Variants in PSG11 observed in about 807,000 individuals in gnomAD.
The protein encoded by PSG11 is pregnancy specific beta-1-glycoprotein 11, also known as pregnancy-specific beta-1-glycoprotein 11.
Under a neutral mutation model 36.0 loss-of-function variants are expected in PSG11, and 42 were observed. That is an observed-to-expected ratio of 1.17 (90% CI 0.91 to 1.51). The LOEUF (loss-of-function observed/expected upper bound fraction) is 1.51. Ranked by LOEUF, PSG11 falls within the 40% of genes most tolerant of loss-of-function variation. PSG11 has a pLI of 0.00. For synonymous variants in PSG11, 206 were observed against 153.5 expected, an observed-to-expected ratio of 1.34 and a Z score of -2.53; for missense variants, 558 against 403.5, an observed-to-expected ratio of 1.38 and a Z score of -3.28.
At chr19:43,022,598 A>G (rs1967128288) in intron 2 of PSG11, among the ~76,000 whole-genome samples, 1 of 151,282 alleles carries the variant, frequency 6.6e-6, no homozygotes, top group Admixed American at 6.6e-5. Flanking sequence ...ATTTCAATAA[A>G]TTTGTGTGTT....
rs374093962 is a variant in PSG11, at chr19:43,023,117, C to T, written c.430+1574G>A. On this transcript the variant is annotated intron_variant, in intron 2 of 5. Transcript: ENST00000320078. ...GTCCAGGACCAAGGAGCCCCGAGAA[C>T]CCTCTGGTGGCCAAAGAGCTTCAGA... is the stretch of plus-strand genomic sequence containing the variant. 1.8e-4 allele frequency among the ~76,000 whole-genome samples: 27 copies of T among 150,696 alleles called. 1 individual carries two copies. The East Asian group carries it at 3.3e-3, about 19-fold the overall frequency.
intron 5 of PSG11, among the ~76,000 whole-genome samples, chr19:43,009,127 G>A (rs967414192): frequency 4.6e-5 from 7 of 151,258 alleles, no homozygotes; most frequent in Admixed American, 1.3e-4. Flanking sequence ...GTCTCCTGGG[G>A]TGGGGCCCTT....
chr19:43,025,785 G>T (rs899553852), intron 1 of PSG11, among the ~76,000 whole-genome samples: 18 of 150,188 alleles, frequency 1.2e-4, no homozygotes, highest in Admixed American at 1.2e-3. Context: ...GGCCCCTGAT[G>T]ATTAATCAGG....
rs894534854 is a variant in PSG11, at chr19:43,020,242, A to T, written c.431-1194T>A. Among the ~76,000 whole-genome samples the T allele has an allele frequency of 1.1e-4, 16 of 151,584 alleles. 1 individual carries two copies. The highest frequency in any genetic ancestry group is 2.6e-4 in the Admixed American group (4 of 15,208). ...AAAGGTTAAAACAAAGTGTTTTGGA[A>T]TTCTAATTTTTTTTATTTTGGAATA... On this transcript the variant is annotated intron_variant, in intron 2 of 5. Transcript: ENST00000320078.
intron 2 of PSG11, among the ~76,000 whole-genome samples, chr19:43,020,985 C>A (rs574060834): frequency 5.3e-5 from 8 of 151,362 alleles, no homozygotes; most frequent in South Asian, 2.1e-4. Context: ...TCTCCCCACA[C>A]GAAGAACTCC....
intron 3 of PSG11, chr19:43,015,943 T>G: frequency 1.9e-6 from 3 of 1,610,102 alleles, no homozygotes; most frequent in Non-Finnish European, 2.5e-6. Context: ...CCACCAAATG[T>G]AGGCATAGTT....
chr19:43,009,314 T>C lies in PSG11; in HGVS notation c.*40+644A>G, dbSNP rs1265566182. Among the ~76,000 whole-genome samples the C allele has an allele frequency of 5.9e-5, 9 of 151,352 alleles. 1 individual carries two copies. Among genetic ancestry groups the C allele is most frequent in the Non-Finnish European group, 1.3e-4 (9 of 67,914 alleles). ...GGTGTGGTTAAGTCTGCAGTGCAGA[T>C]GGTGGAAGGGATTTCACTCTGTTTT... On this transcript the variant is annotated intron_variant, in intron 5 of 5. Transcript: ENST00000320078.
At chr19:43,023,930 G>A (rs551703343) in intron 2 of PSG11, among the ~76,000 whole-genome samples, 2 of 151,566 alleles carry the variant, frequency 1.3e-5, no homozygotes, top group Admixed American at 6.6e-5. Context: ...TTGCTTCCAT[G>A]AGAAAGCACC....
intron 5 of PSG11, among the ~76,000 whole-genome samples, chr19:43,009,356 A>C (rs1169770702): frequency 6.6e-6 from 1 of 151,370 alleles, no homozygotes; most frequent in East Asian, 1.9e-4. Context: ...TAGCATTGGA[A>C]CTAAGAATTT....
chr19:43,023,110 C>T (rs921097009), intron 2 of PSG11, among the ~76,000 whole-genome samples: 3 of 150,614 alleles, frequency 2.0e-5, no homozygotes, highest in Admixed American at 6.6e-5. Context: ...CCAAGGAGCC[C>T]CGAGAACCCT....
At position 43,015,233 on chromosome 19, in the gene PSG11, C is replaced by G; in HGVS notation, c.847G>C (p.Gly283Arg). Reference sequence around the variant, plus strand: ...ATCTGAGGGATAAAGAGCTTTTGTCCTGATAGCTGAAACTTCCCATTAATT... The same window carrying G: ...ATCTGAGGGATAAAGAGCTTTTGTCGTGATAGCTGAAACTTCCCATTAATT... ...WTINGKFQLS[G>R]QKLFIPQITP... Residue 283 changes from glycine (G) to arginine (R), a missense_variant, in exon 4 of 6, where the codon GGA (glycine) becomes CGA (arginine). Transcript: ENST00000320078. 1 of 1,611,654 alleles carries G rather than the reference C, an allele frequency of 6.2e-7. No individual in the cohort carries two copies. Among genetic ancestry groups the G allele is most frequent in the Non-Finnish European group, 8.5e-7 (1 of 1,178,630 alleles).
In PSG11 at chr19:43,014,819, T is replaced by C. The variant is rs1235586365; in HGVS notation, c.964+297A>G. ...GGTGACAGTGAGAAGCAACTCGATG[T>C]TCAGCACTCTCCTTCTTGTCCCTCT... On this transcript the variant is annotated intron_variant, in intron 4 of 5. Transcript: ENST00000320078. The C allele has an allele frequency of 4.7e-6, 6 of 1,284,448 alleles. 1 individual carries two copies. The highest frequency in any genetic ancestry group is 3.0e-5 in the African/African-American group (2 of 65,578). The allele number at this position is 1,284,448 out of a possible 1,614,324, so 79.6% of individuals were successfully genotyped here.
At position 43,023,550 on chromosome 19, in the gene PSG11, A is replaced by G. The variant is rs544687099; in HGVS notation, c.430+1141T>C. Among the ~76,000 whole-genome samples, 327 of 151,314 alleles carry G rather than the reference A, an allele frequency of 2.2e-3. 10 individuals are homozygous for G. Among genetic ancestry groups the G allele is most frequent in the African/African-American group, 7.5e-3 (309 of 41,054 alleles). On this transcript the variant is annotated intron_variant, in intron 2 of 5. Coordinates refer to ENST00000320078, the MANE Select transcript of PSG11 (RefSeq NM_002785.3). ...GAAGCAGGTGATTTAGTTCTGGAGT[A>G]TAGACTAATCAGCTGACCATTTGCT...
intron 1 of PSG11, 172 bp from the exon 2 acceptor site, chr19:43,025,228 A>G (rs2526711): frequency 0.47 from 571,890 of 1,208,122 alleles, 146,149 homozygotes; most frequent in East Asian, 0.99. Flanking sequence ...GTGTTTGTGT[A>G]TGTGTATGTG....
intron 3 of PSG11, 117 bp downstream of exon 3, chr19:43,018,653 T>C (rs1165318327): frequency 3.7e-5 from 59 of 1,598,000 alleles, no homozygotes; most frequent in Non-Finnish European, 4.9e-5. Context: ...TGGCCAGCTT[T>C]GATGTCCAGT....
chr19:43,023,507 G>C (rs1474655801), intron 2 of PSG11, among the ~76,000 whole-genome samples: 1 of 151,110 alleles, frequency 6.6e-6, no homozygotes, highest in East Asian at 1.9e-4. Context: ...CATTTTTTTT[G>C]CACTGACTTT....
At chr19:43,010,482 CAG>C in intron 4 of PSG11, 2 of 1,072,154 alleles carry the variant, frequency 1.9e-6, no homozygotes, top group Non-Finnish European at 2.7e-6. Flanking sequence ...CTCCTTTGCA[CAG>C]AAAGCTTCTT....
At chr19:43,017,141 A>G (rs529383762) in intron 3 of PSG11, 5 of 151,426 alleles carry the variant, frequency 3.3e-5, no homozygotes, top group African/African-American at 1.2e-4. Context: ...TCCGTTATAC[A>G]AGTTGGGGAG....
chr19:43,016,255 T>C lies in PSG11; in HGVS notation c.710-885A>G, dbSNP rs528254268. Among the ~76,000 whole-genome samples the C allele has an allele frequency of 2.0e-5, 3 of 151,468 alleles. No homozygotes were observed. In the South Asian group the frequency reaches 6.3e-4, roughly 32 times the overall value. On this transcript the variant is annotated intron_variant, in intron 3 of 5. Transcript: ENST00000320078. ...TGCTTCATCTTAGGAAAGCACAGAC[T>C]TTCTGAAGTGTCAATTGAGCAGCAG...
Sources: gnomAD v4.1 joint callset for allele counts (sites outside exome capture counted in the v4.1 genomes callset) on GRCh38, gnomAD v4.1.1 for gene constraint, MANE v1.5 for transcripts, NCBI Gene and HGNC (gene_info 2026-07-23, HGNC 2026-07-21) for gene names.